Variants in MDGA2 observed in about 807,000 individuals in gnomAD.
MDGA2 encodes MAM domain-containing glycosylphosphatidylinositol anchor protein 2.
MDGA2 carries 40 observed loss-of-function variants against 117.8 expected under a neutral mutation model. The observed-to-expected ratio is 0.34, with a 90% CI of 0.26 to 0.44. The LOEUF (loss-of-function observed/expected upper bound fraction) is 0.44. Among genes scored for constraint, MDGA2 ranks in the 20% least tolerant of loss-of-function variants. MDGA2 has a pLI of 1.00. For synonymous variants in MDGA2, 452 were observed against 439.0 expected, an observed-to-expected ratio of 1.03 and a Z score of -0.37; for missense variants, 1,123 against 1,250.6, an observed-to-expected ratio of 0.90 and a Z score of 1.54.
At chr14:47,587,381 A>G (rs192534870) in intron 1 of MDGA2, among the ~76,000 whole-genome samples, 3 of 152,024 alleles carry the variant, frequency 2.0e-5, no homozygotes, top group Non-Finnish European at 4.4e-5. Context: ...ATTCATGTTA[A>G]AATTGAAAAA....
chr14:46,875,157 G>A (rs768087572), intron 12 of MDGA2, among the ~76,000 whole-genome samples: 2 of 151,662 alleles, frequency 1.3e-5, no homozygotes, highest in Non-Finnish European at 3.0e-5. Context: ...ATGTCAAATG[G>A]AATCCAAATT....
intron 1 of MDGA2, among the ~76,000 whole-genome samples, chr14:47,304,022 G>A (rs1436184186): frequency 1.3e-5 from 2 of 152,100 alleles, no homozygotes; most frequent in African/African-American, 4.8e-5. Flanking sequence ...GTAATTGCCT[G>A]CATACTGCAG....
Position 46,841,990 on chromosome 14 carries a change from C to T in MDGA2, c.3019G>A (p.Val1007Ile). 2.5e-6 allele frequency: 4 copies of T among 1,611,382 alleles called. No homozygotes were observed. Among genetic ancestry groups the T allele is most frequent in the Non-Finnish European group, 3.4e-6 (4 of 1,178,420 alleles). Reference sequence around the variant, plus strand: ...ATAATGGGAAAAAGCCATATATGAACCAAAATCCCAACAGCACCATCAACG... The same window carrying T: ...ATAATGGGAAAAAGCCATATATGAATCAAAATCCCAACAGCACCATCAACG... ...NSVDGAVGIL[V>I]HIWLFPIIVL... Residue 1007 changes from valine to isoleucine, a missense_variant, in exon 17 of 17, where the codon GTT becomes ATT. Physicochemically the swap from Val to Ile is conservative, Grantham distance 29. Transcript: ENST00000399232.
chr14:47,106,503 G>A (rs2139031226), intron 5 of MDGA2, among the ~76,000 whole-genome samples: 1 of 152,002 alleles, frequency 6.6e-6, no homozygotes, highest in East Asian at 2.0e-4. Flanking sequence ...CGCAGCCTGG[G>A]ATTCCTCCTA....
chr14:47,217,974 GAAAT>G lies in MDGA2; in HGVS notation c.595+43_595+46del, dbSNP rs1886159710. On this transcript the variant is annotated intron_variant, in intron 3 of 16. Transcript: ENST00000399232. ...AAAACCATAGACTTGTAAGACAAAA[GAAAT>G]CCATAATAGGCTTAATTATAGTTTT... The G allele has an allele frequency of 2.2e-6, 3 of 1,391,652 alleles. 1 individual carries two copies. Among genetic ancestry groups the G allele is most frequent in the Non-Finnish European group, 2.9e-6 (3 of 1,051,802 alleles). The allele number at this position is 1,391,652 out of a possible 1,614,324, so 86.2% of individuals were successfully genotyped here. A position where few individuals can be genotyped will look rare whatever the true frequency, so the allele number is the denominator to read the frequency against.
chr14:47,257,545 C>G (rs1455700118), intron 2 of MDGA2, among the ~76,000 whole-genome samples: 1 of 152,086 alleles, frequency 6.6e-6, no homozygotes, highest in African/African-American at 2.4e-5. Context: ...TTCATGAGGA[C>G]AGGAATTGGC....
At chr14:47,526,490 T>G (rs1472138252) in intron 1 of MDGA2, among the ~76,000 whole-genome samples, 1 of 152,100 alleles carries the variant, frequency 6.6e-6, no homozygotes, top group Non-Finnish European at 1.5e-5. Flanking sequence ...TAGTGGTATT[T>G]AAAAGGACCA....
At chr14:47,546,677 C>T (rs1478228804) in intron 1 of MDGA2, among the ~76,000 whole-genome samples, 1 of 152,134 alleles carries the variant, frequency 6.6e-6, no homozygotes, top group African/African-American at 2.4e-5. Flanking sequence ...AGGAAAATCC[C>T]TTTGGTTTTG....
intron 6 of MDGA2, among the ~76,000 whole-genome samples, chr14:47,076,274 A>G (rs2138864874): frequency 6.6e-6 from 1 of 152,214 alleles, no homozygotes; most frequent in South Asian, 2.1e-4. Flanking sequence ...AATACTCTTT[A>G]ACATTAACTT....
chr14:47,040,119 T>C (rs1889010383), intron 7 of MDGA2, among the ~76,000 whole-genome samples: 1 of 152,166 alleles, frequency 6.6e-6, no homozygotes, highest in Non-Finnish European at 1.5e-5. Context: ...TGTCTTTACA[T>C]TGTTACCATC....
chr14:46,964,301 T>C (rs1885929236), intron 8 of MDGA2, among the ~76,000 whole-genome samples: 1 of 147,524 alleles, frequency 6.8e-6, no homozygotes, highest in African/African-American at 2.6e-5. Context: ...TGATTAGATA[T>C]AATAAAATGT....
Position 47,110,166 on chromosome 14 carries a change from C to CAA in MDGA2, c.926-13045_926-13044dup, listed in dbSNP as rs5808381. 1.9e-3 allele frequency among the ~76,000 whole-genome samples: 283 copies of CAA among 146,936 alleles called. 2 individuals are homozygous for CAA. Among genetic ancestry groups the CAA allele is most frequent in the African/African-American group, 5.2e-3 (210 of 40,266 alleles). On this transcript the variant is annotated intron_variant, in intron 5 of 16. Transcript: ENST00000399232. Reference sequence around the variant, plus strand: ...CTATCAAAATGTAATGCACCACTCCCAAAAAAAAAAAATACAGTGTACTGT... The same window carrying CAA: ...CTATCAAAATGTAATGCACCACTCCCAAAAAAAAAAAAAATACAGTGTACTGT...
At chr14:47,085,612 T>A (rs1489509625) in intron 6 of MDGA2, among the ~76,000 whole-genome samples, 1 of 125,352 alleles carries the variant, frequency 8.0e-6, no homozygotes, top group Non-Finnish European at 1.6e-5. Flanking sequence ...ATACTATAAA[T>A]CAAGTCTTTT....
At chr14:47,468,407 C>T (rs1034809646) in intron 1 of MDGA2, among the ~76,000 whole-genome samples, 20 of 152,092 alleles carry the variant, frequency 1.3e-4, no homozygotes, top group African/African-American at 4.6e-4. Flanking sequence ...AGTCTGACCC[C>T]AATTATTTGT....
At chr14:47,586,411 G>A (rs1343940980) in intron 1 of MDGA2, among the ~76,000 whole-genome samples, 1 of 151,834 alleles carries the variant, frequency 6.6e-6, no homozygotes, top group East Asian at 1.9e-4. Flanking sequence ...AAAATACTGG[G>A]ATTTGAGTAT....
chr14:47,234,394 T>C (rs1465966939), intron 2 of MDGA2, among the ~76,000 whole-genome samples: 1 of 152,072 alleles, frequency 6.6e-6, no homozygotes, highest in Non-Finnish European at 1.5e-5. Context: ...TGGACATATC[T>C]GAAATTTTGG....
chr14:46,997,586 A>G (rs1240199986), intron 8 of MDGA2, among the ~76,000 whole-genome samples: 1 of 151,932 alleles, frequency 6.6e-6, no homozygotes, highest in East Asian at 1.9e-4. Flanking sequence ...AAACCCACTA[A>G]CCCCTGCCTA....
chr14:47,278,408 G>C (rs1888374848), intron 2 of MDGA2, among the ~76,000 whole-genome samples: 1 of 151,972 alleles, frequency 6.6e-6, no homozygotes, highest in African/African-American at 2.4e-5. Context: ...CTGTGAAGCT[G>C]GCTACAGCTC....
At position 47,403,445 on chromosome 14, in the gene MDGA2, C is replaced by A. The variant is rs186146382; in HGVS notation, c.281-101895G>T. On this transcript the variant is annotated intron_variant, in intron 1 of 16. Transcript: ENST00000399232. ...ATGATCACATTCATGGTCAATATTGCGGTCTTCTTGTATTTTTCCCTCTCT... is the reference window on the plus strand; with the variant it reads ...ATGATCACATTCATGGTCAATATTGAGGTCTTCTTGTATTTTTCCCTCTCT... Among the ~76,000 whole-genome samples, 340 of 128,088 alleles carry A rather than the reference C, an allele frequency of 2.7e-3. 4 individuals are homozygous for A. Among genetic ancestry groups the A allele is most frequent in the East Asian group, 2.0e-3 (9 of 4,496 alleles). 84.0% of individuals were successfully genotyped at this position (128,088 alleles called of 152,430 possible).
Sources: gnomAD v4.1 joint callset for allele counts (sites outside exome capture counted in the v4.1 genomes callset) on GRCh38, gnomAD v4.1.1 for gene constraint, MANE v1.5 for transcripts, NCBI Gene and HGNC (gene_info 2026-07-23, HGNC 2026-07-21) for gene names.